Variants in ZNF304 observed in about 807,000 individuals in gnomAD.
ZNF304 encodes the protein KRAB-containing zinc finger protein.
A neutral mutation model predicts 7.8 loss-of-function variants in ZNF304; 7 were observed. The observed-to-expected ratio is 0.90, with a 90% confidence interval of 0.51 to 1.69. The LOEUF (loss-of-function observed/expected upper bound fraction) is 1.69, where lower values mean the gene tolerates loss of function less well. Among genes scored for constraint, ZNF304 ranks in the 40% most tolerant of loss-of-function variants. ZNF304 has a pLI of 0.00. For missense variants in ZNF304, 669 were observed against 804.8 expected, an observed-to-expected ratio of 0.83 and a Z score of 2.04; for synonymous variants, 280 against 272.4, an observed-to-expected ratio of 1.03 and a Z score of -0.27.
At chr19:57,353,479 C>T (rs2088299826) in intron 1 of ZNF304, among the ~76,000 whole-genome samples, 1 of 152,182 alleles carries the variant, frequency 6.6e-6, no homozygotes, top group Non-Finnish European at 1.5e-5. Context: ...ACCCTTCATG[C>T]CAGACCCAGA....
At position 57,355,249 on chromosome 19, in the gene ZNF304, C is replaced by T. The variant is rs761242832; in HGVS notation, c.161-781C>T. On this transcript the variant is annotated intron_variant, in intron 2 of 2. Transcript: ENST00000282286. ...GAGTGGGTCTACCTGCGCCACTCAC[C>T]TGCCCTTTGTTTGCGTTACAGCTTT... 23 of 764,812 alleles carry T rather than the reference C, an allele frequency of 3.0e-5. No homozygotes were observed. The South Asian group carries it at 3.1e-4, about 10-fold the overall frequency. 47.4% of individuals were successfully genotyped at this position (764,812 alleles called of 1,614,324 possible). A position where few individuals can be genotyped will look rare whatever the true frequency, so the allele number is the denominator to read the frequency against.
In ZNF304 at chr19:57,357,055, T is replaced by C. The variant is rs1352342027; in HGVS notation, c.1186T>C (p.Cys396Arg). ...AGAAAGGCCTTATGAGTGCAGTGAATGTGGAAAATTCTTTAGCCAAAGCTC... is the reference window on the plus strand; with the variant it reads ...AGAAAGGCCTTATGAGTGCAGTGAACGTGGAAAATTCTTTAGCCAAAGCTC... ...TGERPYECSE[C>R]GKFFSQSSHL... The change falls in exon 3 of 3, where the codon TGT becomes CGT. Residue 396 changes from cysteine (C) to arginine (R), a missense_variant. Transcript: ENST00000282286. The C allele has an allele frequency of 6.2e-7, 1 of 1,614,164 alleles. No individual in the cohort carries two copies. Among genetic ancestry groups the C allele is most frequent in the Admixed American group, 1.7e-5 (1 of 60,016 alleles).
Position 57,356,481 on chromosome 19 carries a change from C to T in ZNF304, c.612C>T (p.Phe204=), listed in dbSNP as rs748108554. The T allele has an allele frequency of 8.1e-6, 13 of 1,613,998 alleles. No individual in the cohort carries two copies. In the African/African-American group the frequency reaches 1.6e-4, roughly 20 times the overall value. The change falls in exon 3 of 3, where the codon TTC becomes TTT. Residue 204 remains phenylalanine (F), a synonymous_variant. Transcript: ENST00000282286. Reference sequence around the variant, plus strand: ...GAAGGACTGAATGCATGGAGTCTTTCCCACACAGCTCCAGTCTCAGGCAAC... The same window carrying T: ...GAAGGACTGAATGCATGGAGTCTTTTCCACACAGCTCCAGTCTCAGGCAAC... ...PCRRTECMES[F]PHSSSLRQHQ...
In ZNF304 at chr19:57,356,284, C is replaced by A; in HGVS notation, c.415C>A (p.His139Asn). 6.2e-7 allele frequency: 1 copy of A among 1,614,190 alleles called. No individual in the cohort carries two copies. The highest frequency in any genetic ancestry group is 8.5e-7 in the Non-Finnish European group (1 of 1,180,036). ...SANFYQHQKQ[H>N]NGENCFRGDD... is the part of the protein sequence containing the mutation. Reference sequence around the variant, plus strand: ...AAACTTTTACCAGCACCAGAAGCAACATAATGGAGAGAATTGCTTCAGAGG... The same window carrying A: ...AAACTTTTACCAGCACCAGAAGCAAAATAATGGAGAGAATTGCTTCAGAGG... The change falls in exon 3 of 3, where the codon CAT becomes AAT. Residue 139 changes from histidine (H) to asparagine (N), a missense_variant. Coordinates refer to ENST00000282286, the MANE Select transcript of ZNF304 (RefSeq NM_020657.4).
At position 57,351,753 on chromosome 19, in the gene ZNF304, T is replaced by C; in HGVS notation, c.33+56T>C. ...GGCCTGGTTGGTGTGTCCTGGGATG[T>C]TCGCTCTCATCGCGCACTTCAGGGT... On this transcript the variant is annotated intron_variant, in intron 1 of 2. Transcript: ENST00000282286. This position sits in a 1 kb window ranked among gnomAD's most constrained non-coding sequence, Gnocchi z 4.1. The C allele has an allele frequency of 6.4e-7, 1 of 1,550,762 alleles. No homozygotes were observed. Among genetic ancestry groups the C allele is most frequent in the East Asian group, 2.3e-5 (1 of 42,990 alleles).
chr19:57,356,508 C>T lies in ZNF304; in HGVS notation c.639C>T (p.His213=), dbSNP rs760345019. 6 of 1,614,002 alleles carry T rather than the reference C, an allele frequency of 3.7e-6. No homozygotes were observed. In the Admixed American group the frequency reaches 5.0e-5, roughly 13 times the overall value. Residue 213 remains histidine (H), a synonymous_variant, in exon 3 of 3, where the codon CAC becomes CAT. Coordinates refer to ENST00000282286, the MANE Select transcript of ZNF304 (RefSeq NM_020657.4). ...CACACAGCTCCAGTCTCAGGCAACA[C>T]CAAGGAGACTATGATGGACAGATGC... ...SFPHSSSLRQ[H]QGDYDGQMLF...
chr19:57,357,133 A>C lies in ZNF304; in HGVS notation c.1264A>C (p.Ile422Leu). The C allele has an allele frequency of 6.2e-7, 1 of 1,613,314 alleles. No homozygotes were observed. The highest frequency in any genetic ancestry group is 1.1e-5 in the South Asian group (1 of 90,930). ...TACCGGGGCAAGGCCCTATGAATGC[A>C]TAGAATGTGGAAAATTCTTTAGCCA... The part of the protein sequence containing the change: ...IHTGARPYEC[I>L]ECGKFFSHNS... The change falls in exon 3 of 3, where the codon ATA becomes CTA. Residue 422 changes from isoleucine (I) to leucine (L), a missense_variant. Coordinates refer to ENST00000282286, the MANE Select transcript of ZNF304 (RefSeq NM_020657.4).
At position 57,351,958 on chromosome 19, in the gene ZNF304, T is replaced by G; in HGVS notation, c.33+261T>G. ...AGAACAGGGACTAGGGGGTCAGAGG[T>G]AGGCCTGGAATGGCCGCCCGAGGAG... is the stretch of plus-strand genomic sequence containing the variant. On this transcript the variant is annotated intron_variant, in intron 1 of 2. Coordinates refer to ENST00000282286, the MANE Select transcript of ZNF304 (RefSeq NM_020657.4). The surrounding 1 kb of genome is among the most constrained non-coding windows in gnomAD (Gnocchi z 4.1). The G allele has an allele frequency of 8.8e-6, 4 of 452,858 alleles. No individual in the cohort carries two copies. Among genetic ancestry groups the G allele is most frequent in the Non-Finnish European group, 1.6e-5 (4 of 256,336 alleles). 28.1% of individuals were successfully genotyped at this position (452,858 alleles called of 1,614,324 possible).
rs1459071282 is a variant in ZNF304, at chr19:57,351,287, C to A, written c.-378C>A. On this transcript the variant is annotated 5_prime_UTR_variant, in exon 1 of 3. Transcript: ENST00000282286. The surrounding 1 kb of genome is among the most constrained non-coding windows in gnomAD (Gnocchi z 4.1). ...CGTCGTGACGTATTTTTCCTATGCC[C>A]GGTCCGTGCATTCTGGTTGTGAAGG... is the stretch of plus-strand genomic sequence containing the variant. 8.1e-6 allele frequency: 2 copies of A among 248,368 alleles called. No individual in the cohort carries two copies. The highest frequency in any genetic ancestry group is 1.6e-5 in the Non-Finnish European group (2 of 127,832). 15.4% of individuals were successfully genotyped at this position (248,368 alleles called of 1,614,324 possible). A position where few individuals can be genotyped will look rare whatever the true frequency, so the allele number is the denominator to read the frequency against.
At chr19:57,352,778 A>G (rs2088291507) in intron 1 of ZNF304, 1 of 152,240 alleles carries the variant, frequency 6.6e-6, no homozygotes. Context: ...AAGTAGGGTG[A>G]TTGGATTTTT....
At position 57,356,502 on chromosome 19, in the gene ZNF304, G is replaced by A. The variant is rs1412255305; in HGVS notation, c.633G>A (p.Arg211=). The A allele has an allele frequency of 4.3e-6, 7 of 1,614,142 alleles. No homozygotes were observed. The highest frequency in any genetic ancestry group is 5.9e-6 in the Non-Finnish European group (7 of 1,180,026). Residue 211 remains arginine, a synonymous_variant, in exon 3 of 3, where the codon AGG becomes AGA. Transcript: ENST00000282286. The part of the protein sequence containing the change: ...MESFPHSSSL[R]QHQGDYDGQM... Reference sequence around the variant, plus strand: ...CTTTCCCACACAGCTCCAGTCTCAGGCAACACCAAGGAGACTATGATGGAC... The same window carrying A: ...CTTTCCCACACAGCTCCAGTCTCAGACAACACCAAGGAGACTATGATGGAC...
rs35686482 is a variant in ZNF304 at position 57,358,513 on chromosome 19, C to G, written c.*664C>G. ...TAAGGGCCTATTGTGGCAGTCTTTA[C>G]TCTTGGGGATTTTGTTACTGTGTAG... On this transcript the variant is annotated 3_prime_UTR_variant, in exon 3 of 3. Coordinates refer to ENST00000282286, the MANE Select transcript of ZNF304 (RefSeq NM_020657.4). The G allele has an allele frequency of 0.099, 15,086 of 152,338 alleles. 989 individuals carry two copies. Among genetic ancestry groups the G allele is most frequent in the South Asian group, 0.16 (786 of 4,830 alleles). The allele number at this position is 152,338 out of a possible 1,614,324, so 9.4% of individuals were successfully genotyped here. A position where few individuals can be genotyped will look rare whatever the true frequency, so the allele number is the denominator to read the frequency against.
chr19:57,352,023 T>C (rs916600971), intron 1 of ZNF304: 73 of 334,808 alleles, frequency 2.2e-4, no homozygotes, highest in African/African-American at 1.3e-3. Flanking sequence ...TCATGCAAGG[T>C]TTGGTACAGA....
intron 1 of ZNF304, 148 bp from the exon 2 acceptor site, chr19:57,353,577 T>C (rs2088300474): frequency 8.2e-6 from 9 of 1,091,616 alleles, no homozygotes; most frequent in Non-Finnish European, 1.1e-5. Context: ...GAGCAGACAC[T>C]AGTGGTGCCA....
At chr19:57,354,163 C>A (rs1858991) in intron 2 of ZNF304, among the ~76,000 whole-genome samples, 73,980 of 151,786 alleles carry the variant, frequency 0.49, 18,762 homozygotes, top group South Asian at 0.66. Context: ...GTGCATGCCA[C>A]CACGCCCGGC....
rs2088372402 is a variant in ZNF304, at chr19:57,358,079, G to A, written c.*230G>A. 2 of 512,144 alleles carry A rather than the reference G, an allele frequency of 3.9e-6. No individual in the cohort carries two copies. Among genetic ancestry groups the A allele is most frequent in the South Asian group, 3.6e-5 (1 of 27,888 alleles). The allele number at this position is 512,144 out of a possible 1,614,324, so 31.7% of individuals were successfully genotyped here. On this transcript the variant is annotated 3_prime_UTR_variant, in exon 3 of 3. Coordinates refer to ENST00000282286, the MANE Select transcript of ZNF304 (RefSeq NM_020657.4). ...GTGTTGCACTTTGTAACTGTCTAGA[G>A]CTCTTGATGGAATTATATCACTGCC... is the stretch of plus-strand genomic sequence containing the variant.
In ZNF304 at chr19:57,357,938, GCT is replaced by G. The variant is rs2088370122; in HGVS notation, c.*92_*93del. 9 of 1,471,756 alleles carry G rather than the reference GCT, an allele frequency of 6.1e-6. No homozygotes were observed. The highest frequency in any genetic ancestry group is 7.3e-6 in the Non-Finnish European group (8 of 1,099,086). 91.2% of individuals were successfully genotyped at this position (1,471,756 alleles called of 1,614,324 possible). ...CTCATAGGACTCACACCAGAGCAATGCTCTGTGAGTACCCTTTGTGAGGGAAC... is the reference window on the plus strand; with the variant it reads ...CTCATAGGACTCACACCAGAGCAATGCTGTGAGTACCCTTTGTGAGGGAAC... On this transcript the variant is annotated 3_prime_UTR_variant, in exon 3 of 3. Transcript: ENST00000282286.
rs2088371080 is a variant in ZNF304, at chr19:57,357,999, C to A, written c.*150C>A. On this transcript the variant is annotated 3_prime_UTR_variant, in exon 3 of 3. Transcript: ENST00000282286. ...AGCAGATGAGCACCGTATATTCATT[C>A]CACCCTGGGGAGATTCCTGATAAGC... The A allele has an allele frequency of 2.0e-6, 2 of 979,484 alleles. No homozygotes were observed. The highest frequency in any genetic ancestry group is 2.6e-5 in the Admixed American group (1 of 38,042). 60.7% of individuals were successfully genotyped at this position (979,484 alleles called of 1,614,324 possible).
In ZNF304 at chr19:57,357,113, G is replaced by C; in HGVS notation, c.1244G>C (p.Gly415Ala). 1 of 1,613,088 alleles carries C rather than the reference G, an allele frequency of 6.2e-7. No individual in the cohort carries two copies. Among genetic ancestry groups the C allele is most frequent in the Non-Finnish European group, 8.5e-7 (1 of 1,179,398 alleles). ...ATTGAGCACTGGAGAATTCATACCG[G>C]GGCAAGGCCCTATGAATGCATAGAA... ...HLIEHWRIHT[G>A]ARPYECIECG... The change falls in exon 3 of 3, where the codon GGG becomes GCG. Residue 415 changes from glycine to alanine, a missense_variant. Transcript: ENST00000282286.
Sources: gnomAD v4.1 joint callset for allele counts (sites outside exome capture counted in the v4.1 genomes callset) on GRCh38, gnomAD v4.1.1 for gene constraint, Gnocchi (gnomAD v3.1) non-coding constraint, MANE v1.5 for transcripts, NCBI Gene and HGNC (gene_info 2026-07-23, HGNC 2026-07-21) for gene names.